Variants in BTBD10 observed in about 807,000 individuals in gnomAD.
BTBD10 encodes BTB domain containing 10.
Under a neutral mutation model 53.2 loss-of-function variants are expected in BTBD10, and 21 were observed. That is an observed-to-expected ratio of 0.39 (90% CI 0.28 to 0.57). The LOEUF (loss-of-function observed/expected upper bound fraction) is 0.57, where lower values mean the gene tolerates loss of function less well. Ranked by LOEUF, BTBD10 falls within the 20% of genes least tolerant of loss-of-function variation. The pLI is 0.53. For synonymous variants in BTBD10, 149 were observed against 192.7 expected, an observed-to-expected ratio of 0.77 and a Z score of 1.88; for missense variants, 360 against 594.7, an observed-to-expected ratio of 0.61 and a Z score of 4.10.
intron 2 of BTBD10, among the ~76,000 whole-genome samples, chr11:13,437,143 C>T (rs1950558160): frequency 6.6e-6 from 1 of 152,216 alleles, no homozygotes; most frequent in Admixed American, 6.5e-5. Context: ...TTTTCACATC[C>T]TTCCTCTTGA....
At chr11:13,461,680 G>A (rs307246) in intron 1 of BTBD10, among the ~76,000 whole-genome samples, 80,666 of 151,904 alleles carry the variant, frequency 0.53, 22,404 homozygotes, top group East Asian at 0.74. Flanking sequence ...CATAGGGTTA[G>A]AAGTCTATCT....
At chr11:13,421,547 CTGCAGT>C in intron 3 of BTBD10, 89 bp downstream of exon 3, 1 of 1,084,328 alleles carries the variant, frequency 9.2e-7, no homozygotes, top group Non-Finnish European at 1.3e-6. Flanking sequence ...TAATTTTACT[CTGCAGT>C]ATTAGGCACA....
chr11:13,440,319 T>C (rs909372536), intron 2 of BTBD10: 34 of 1,109,792 alleles, frequency 3.1e-5, no homozygotes, highest in Admixed American at 1.5e-4. Flanking sequence ...TGAGCAGTGA[T>C]TGGATATTGT....
intron 5 of BTBD10, 91 bp from the exon 6 acceptor site, chr11:13,413,741 A>G: frequency 1.6e-6 from 2 of 1,279,700 alleles, no homozygotes; most frequent in Non-Finnish European, 1.1e-6. Flanking sequence ...ACATTTTCAG[A>G]AACAGTAGAG....
chr11:13,427,616 C>G (rs1950366204), intron 2 of BTBD10, among the ~76,000 whole-genome samples: 1 of 152,106 alleles, frequency 6.6e-6, no homozygotes. Flanking sequence ...ATAACATTAT[C>G]AACTGACTTG....
intron 2 of BTBD10, 36 bp from the exon 3 acceptor site, chr11:13,421,874 A>G (rs1204871235): frequency 6.6e-7 from 1 of 1,508,410 alleles, no homozygotes; most frequent in African/African-American, 1.4e-5. Flanking sequence ...CCATAAAAGC[A>G]GAACATAAGA....
intron 8 of BTBD10, among the ~76,000 whole-genome samples, chr11:13,396,170 AG>A (rs1213298308): frequency 6.6e-6 from 1 of 152,174 alleles, no homozygotes; most frequent in Non-Finnish European, 1.5e-5. Flanking sequence ...CCTACCCATG[AG>A]CATGGAATGT....
intron 1 of BTBD10, among the ~76,000 whole-genome samples, chr11:13,459,058 A>ATTTTT (rs199960942): frequency 1.5e-5 from 2 of 135,320 alleles, no homozygotes; most frequent in Non-Finnish European, 1.6e-5. Flanking sequence ...TTATTTATTT[A>ATTTTT]TTTTTTTTTT....
rs1490207879 is a variant in BTBD10, at chr11:13,415,519, T to C, written c.687+1639A>G. On this transcript the variant is annotated intron_variant, in intron 5 of 8. Coordinates refer to ENST00000278174, the MANE Select transcript of BTBD10 (RefSeq NM_032320.7). ...CTCCCTGCTCCTTCTCCCCAGTAAA[T>C]ACAAAGGGCTGTGGAAGCTCAAGGC... Among the ~76,000 whole-genome samples, 12 of 151,148 alleles carry C rather than the reference T, an allele frequency of 7.9e-5. 1 individual carries two copies.
At chr11:13,413,713 A>G (rs539419968) in intron 5 of BTBD10, 63 bp from the exon 6 acceptor site, 1 of 1,459,734 alleles carries the variant, frequency 6.9e-7, no homozygotes, top group East Asian at 2.4e-5. Context: ...AAAACTTATT[A>G]TTAAGGAAGG....
chr11:13,433,227 C>T (rs1950483648), intron 2 of BTBD10, among the ~76,000 whole-genome samples: 1 of 152,120 alleles, frequency 6.6e-6, no homozygotes, highest in African/African-American at 2.4e-5. Flanking sequence ...ACTAAAAATA[C>T]ATTCTACTCT....
chr11:13,413,317 AAATT>A (rs1402458828), intron 6 of BTBD10, among the ~76,000 whole-genome samples: 1 of 152,206 alleles, frequency 6.6e-6, no homozygotes, highest in African/African-American at 2.4e-5. Flanking sequence ...TCAAAAAAGA[AAATT>A]ATTAAAATTG....
At chr11:13,418,426 TCAA>T (rs897155341) in intron 4 of BTBD10, among the ~76,000 whole-genome samples, 2 of 152,044 alleles carry the variant, frequency 1.3e-5, no homozygotes, top group African/African-American at 4.8e-5. Context: ...AGCCAAAATT[TCAA>T]ATATCTACTT....
At chr11:13,430,970 T>TACACACAC (rs1387664736) in intron 2 of BTBD10, among the ~76,000 whole-genome samples, 2 of 14,696 alleles carry the variant, frequency 1.4e-4, no homozygotes, top group Non-Finnish European at 1.7e-4. Context: ...TTTATGGAGA[T>TACACACAC]ACATACACAC....
At chr11:13,405,585 A>G in intron 7 of BTBD10, 74 bp downstream of exon 7, 1 of 1,542,628 alleles carries the variant, frequency 6.5e-7, no homozygotes, top group East Asian at 2.3e-5. Context: ...GGTCTATGAG[A>G]AGAGCTCTTC....
At chr11:13,447,601 T>C (rs569865531) in intron 1 of BTBD10, among the ~76,000 whole-genome samples, 1 of 152,294 alleles carries the variant, frequency 6.6e-6, no homozygotes, top group Admixed American at 6.5e-5. Flanking sequence ...CACTGGTTGG[T>C]AAACAGGTGG....
chr11:13,414,205 A>G (rs1382522909), intron 5 of BTBD10, among the ~76,000 whole-genome samples: 1 of 152,206 alleles, frequency 6.6e-6, no homozygotes, highest in African/African-American at 2.4e-5. Context: ...TATTATGACA[A>G]GCAATATTAA....
At chr11:13,437,075 G>A (rs1950557109) in intron 2 of BTBD10, among the ~76,000 whole-genome samples, 1 of 152,296 alleles carries the variant, frequency 6.6e-6, no homozygotes, top group East Asian at 1.9e-4. Context: ...GAGACATCAC[G>A]CCCAGCCCAA....
At chr11:13,407,668 AC>A (rs1213101412) in intron 6 of BTBD10, among the ~76,000 whole-genome samples, 3 of 152,136 alleles carry the variant, frequency 2.0e-5, no homozygotes, top group Admixed American at 1.3e-4. Context: ...TAAGCCACAT[AC>A]TTTTCTGCAA....
Sources: allele counts gnomAD v4.1 joint callset (sites outside exome capture counted in the v4.1 genomes callset), GRCh38; gene constraint gnomAD v4.1.1; transcripts MANE v1.5; gene names NCBI Gene and HGNC (gene_info 2026-07-23, HGNC 2026-07-21).